The following EFR3B variants were observed in gnomAD, a reference collection of about 807,000 sequenced individuals.
The protein encoded by EFR3B is protein EFR3 homolog B.
EFR3B carries 64 observed loss-of-function variants against 104.7 expected under a neutral mutation model. That is an observed-to-expected ratio of 0.61 (90% CI 0.50 to 0.75). EFR3B has a LOEUF of 0.75. EFR3B is among the 30% of genes least tolerant of loss of function. EFR3B has a pLI of 0.00. For synonymous variants in EFR3B, 385 were observed against 417.9 expected (o/e 0.92, Z 0.96); for missense variants, 750 against 1,078.5 (o/e 0.70, Z 4.27).
At chr2:25,151,682 A>G (rs1671013843) in intron 20 of EFR3B, among the ~76,000 whole-genome samples, 2 of 152,372 alleles carry the variant, frequency 1.3e-5, no homozygotes, top group South Asian at 4.1e-4. Context: ...AGGGCCTCCC[A>G]CATAGTTCTC....
intron 1 of EFR3B, among the ~76,000 whole-genome samples, chr2:25,045,228 A>C (rs1667682988): frequency 6.6e-6 from 1 of 152,104 alleles, no homozygotes; most frequent in Non-Finnish European, 1.5e-5. Context: ...CGACTGTGCC[A>C]GTGCCAAGCC....
At chr2:25,101,581 A>T (rs1291143535) in intron 3 of EFR3B, among the ~76,000 whole-genome samples, 2 of 152,140 alleles carry the variant, frequency 1.3e-5, no homozygotes, top group African/African-American at 4.8e-5. Flanking sequence ...CTCCTGGCTC[A>T]AGCAATCTGC....
chr2:25,090,151 G>A (rs1201513197), intron 1 of EFR3B, among the ~76,000 whole-genome samples: 2 of 152,254 alleles, frequency 1.3e-5, no homozygotes, highest in Non-Finnish European at 2.9e-5. Context: ...TGCATTTCAA[G>A]TGGTGTGCTT....
chr2:25,043,849 A>G (rs1319938061), intron 1 of EFR3B, among the ~76,000 whole-genome samples: 2 of 152,222 alleles, frequency 1.3e-5, no homozygotes, highest in African/African-American at 4.8e-5. Flanking sequence ...ATGTGACTGC[A>G]GGGGCACCTG....
intron 1 of EFR3B, among the ~76,000 whole-genome samples, chr2:25,061,385 T>C (rs1394587593): frequency 6.6e-6 from 1 of 152,012 alleles, no homozygotes; most frequent in Non-Finnish European, 1.5e-5. Context: ...AGTGCTGGGA[T>C]TACAGGCGGG....
chr2:25,141,568 C>A, intron 17 of EFR3B, 135 bp downstream of exon 17: 3 of 890,046 alleles, frequency 3.4e-6, no homozygotes, highest in Non-Finnish European at 5.0e-6. Flanking sequence ...GTGGGCTCTG[C>A]CTGTGGTCCA....
chr2:25,090,409 T>C (rs1398471178), intron 1 of EFR3B, among the ~76,000 whole-genome samples: 20 of 152,276 alleles, frequency 1.3e-4, no homozygotes, highest in Admixed American at 1.3e-3. Context: ...TGCCAACTTC[T>C]AATTTTGCCA....
chr2:25,133,548 AC>A, intron 12 of EFR3B, 114 bp downstream of exon 12: 1 of 1,132,678 alleles, frequency 8.8e-7, no homozygotes, highest in Non-Finnish European at 1.3e-6. Context: ...GCACAAATAC[AC>A]CCAGTCGGTT....
rs184773359 is a variant in EFR3B at position 25,155,745 on chromosome 2, G to A, written c.*1405G>A. 3 of 152,198 alleles carry A rather than the reference G, an allele frequency of 2.0e-5. No homozygotes were observed. Among genetic ancestry groups the A allele is most frequent in the Non-Finnish European group, 2.9e-5 (2 of 68,038 alleles). 9.4% of individuals were successfully genotyped at this position (152,198 alleles called of 1,614,324 possible). A position where few individuals can be genotyped will look rare whatever the true frequency, so the allele number is the denominator to read the frequency against. ...TAGTCACATTTCCCATAACTCCTCC[G>A]AGCCAACATAACCTACAGTAAGATG... On this transcript the variant is annotated 3_prime_UTR_variant, in exon 23 of 23. Transcript: ENST00000403714.
At chr2:25,060,549 A>G (rs1341730226) in intron 1 of EFR3B, among the ~76,000 whole-genome samples, 2 of 152,166 alleles carry the variant, frequency 1.3e-5, no homozygotes, top group Middle Eastern at 3.2e-3. Context: ...GATTATCAAA[A>G]TTGGAGTACC....
intron 12 of EFR3B, 111 bp downstream of exon 12, chr2:25,133,545 T>TA: frequency 8.7e-7 from 1 of 1,154,894 alleles, no homozygotes. Context: ...ACTGCACAAA[T>TA]ACACCCAGTC....
chr2:25,148,076 T>C (rs1358061299), intron 19 of EFR3B, among the ~76,000 whole-genome samples: 1 of 147,564 alleles, frequency 6.8e-6, no homozygotes, highest in South Asian at 2.2e-4. Flanking sequence ...GTAGGTCTAA[T>C]AGCTCTTTGT....
intron 4 of EFR3B, 98 bp downstream of exon 4, chr2:25,103,885 C>A (rs1211632763): frequency 3.5e-6 from 5 of 1,439,260 alleles, no homozygotes; most frequent in Non-Finnish European, 4.7e-6. Flanking sequence ...ATGTTCTGTT[C>A]CTTCTTGGTT....
Position 25,137,230 on chromosome 2 carries a change from G to C in EFR3B, c.1561-111G>C. 1 of 1,270,434 alleles carries C rather than the reference G, an allele frequency of 7.9e-7. No homozygotes were observed. The highest frequency in any genetic ancestry group is 2.5e-5 in the East Asian group (1 of 39,242). The allele number at this position is 1,270,434 out of a possible 1,614,324, so 78.7% of individuals were successfully genotyped here. ...AAGGCATCCCCTCCCCAAGGGAGGA[G>C]GGGGCACACAGCCATCCTGCCCCCC... On this transcript the variant is annotated intron_variant, in intron 14 of 22. Coordinates refer to ENST00000403714, the MANE Select transcript of EFR3B (RefSeq NM_014971.2). This position sits in a 1 kb window ranked among gnomAD's most constrained non-coding sequence, Gnocchi z 4.7.
chr2:25,112,445 T>C (rs1394345863), intron 4 of EFR3B, among the ~76,000 whole-genome samples: 1 of 152,214 alleles, frequency 6.6e-6, no homozygotes, highest in East Asian at 1.9e-4. Flanking sequence ...GACTGTGTAA[T>C]GTGGGTGGAC....
intron 15 of EFR3B, among the ~76,000 whole-genome samples, chr2:25,138,358 A>G (rs1308118355): frequency 6.6e-6 from 1 of 152,198 alleles, no homozygotes; most frequent in Non-Finnish European, 1.5e-5. Context: ...GGCACCGGAC[A>G]GGGCTTGAGG....
rs139182773 is a variant in EFR3B at position 25,079,607 on chromosome 2, C to T, written c.8-11718C>T. ...TTTATTTTATTTGTAGGACTCTTATCAATGAAGAACTTTGTATCCAACAAT... is the reference window on the plus strand; with the variant it reads ...TTTATTTTATTTGTAGGACTCTTATTAATGAAGAACTTTGTATCCAACAAT... On this transcript the variant is annotated intron_variant, in intron 1 of 22. Transcript: ENST00000403714. 1.8e-3 allele frequency among the ~76,000 whole-genome samples: 281 copies of T among 152,120 alleles called. 2 individuals are homozygous for T. Among genetic ancestry groups the T allele is most frequent in the African/African-American group, 6.6e-3 (272 of 41,474 alleles).
At chr2:25,141,851 G>A (rs1670675583) in intron 17 of EFR3B, among the ~76,000 whole-genome samples, 2 of 152,148 alleles carry the variant, frequency 1.3e-5, no homozygotes, top group Non-Finnish European at 2.9e-5. Context: ...CTAACAGTAG[G>A]GGATGGCTTT....
Position 25,118,726 on chromosome 2 carries a change from C to CAAAAAAAAAAAAAAAA in EFR3B, c.364-2930_364-2915dup, listed in dbSNP as rs869026900. The stretch of plus-strand genomic sequence containing the variant: ...ACAACACAATGAGACCCTGTCTCTA[C>CAAAAAAAAAAAAAAAA]AAAAAAAAAAAAAAAAAAAAAAAAA... On this transcript the variant is annotated intron_variant, in intron 4 of 22. Transcript: ENST00000403714. 2.4e-4 allele frequency among the ~76,000 whole-genome samples: 8 copies of CAAAAAAAAAAAAAAAA among 33,540 alleles called. 3 individuals are homozygous for CAAAAAAAAAAAAAAAA. The highest frequency in any genetic ancestry group is 2.9e-4 in the Non-Finnish European group (6 of 20,516). The allele number at this position is 33,540 out of a possible 152,430, so 22.0% of individuals were successfully genotyped here.
Sources: allele counts gnomAD v4.1 joint callset (sites outside exome capture counted in the v4.1 genomes callset), GRCh38; gene constraint gnomAD v4.1.1; non-coding constraint Gnocchi (gnomAD v3.1); transcripts MANE v1.5; gene names NCBI Gene and HGNC (gene_info 2026-07-23, HGNC 2026-07-21).